Variants in BAZ2B observed in about 807,000 individuals in gnomAD.
BAZ2B encodes the protein bromodomain adjacent to zinc finger domain 2B.
Under a neutral mutation model 246.0 loss-of-function variants are expected in BAZ2B, and 91 were observed. The ratio of observed to expected loss-of-function variants is 0.37; its 90% confidence interval spans 0.31 to 0.44. The LOEUF is 0.44. BAZ2B is among the 20% of genes least tolerant of loss of function. The probability of loss-of-function intolerance (pLI) is 1.00; values close to 1 mark genes in which losing one functional copy is unlikely to be tolerated. For synonymous variants in BAZ2B, 855 were observed against 860.0 expected (o/e 0.99, Z 0.10); for missense variants, 2,332 against 2,533.7 (o/e 0.92, Z 1.71).
the BAZ2B span, among the ~76,000 whole-genome samples, chr2:159,706,574 T>C: frequency 3.3e-5 from 5 of 152,238 alleles, no homozygotes; most frequent in African/African-American, 1.2e-4. Context: ...ATGTGCACAC[T>C]TGGCTGAACT....
chr2:159,405,160 T>A, intron 14 of BAZ2B, 46 bp from the exon 15 acceptor site: 1 of 1,496,400 alleles, frequency 6.7e-7, no homozygotes, highest in Non-Finnish European at 9.3e-7. Context: ...TTTGTGTAAC[T>A]ACTAACCAAA....
At chr2:159,432,323 A>C (rs1386315195) in intron 9 of BAZ2B, among the ~76,000 whole-genome samples, 1 of 152,202 alleles carries the variant, frequency 6.6e-6, no homozygotes, top group Non-Finnish European at 1.5e-5. Flanking sequence ...GTTATTTAAC[A>C]AATTTTCTGT....
chr2:159,518,589 C>T (rs2083697924), intron 2 of BAZ2B, among the ~76,000 whole-genome samples: 1 of 152,154 alleles, frequency 6.6e-6, no homozygotes, highest in Non-Finnish European at 1.5e-5. Flanking sequence ...TGCTTGCTTG[C>T]CTTCTGCTAC....
chr2:159,406,217 C>T (rs2065910704), intron 14 of BAZ2B, among the ~76,000 whole-genome samples: 1 of 152,212 alleles, frequency 6.6e-6, no homozygotes, highest in African/African-American at 2.4e-5. Context: ...GAAAACAGAG[C>T]TTGAAAGTTT....
intron 2 of BAZ2B, among the ~76,000 whole-genome samples, chr2:159,541,186 T>C (rs1017206158): frequency 2.0e-5 from 3 of 152,132 alleles, no homozygotes; most frequent in Non-Finnish European, 4.4e-5. Flanking sequence ...AAGCCTCAAT[T>C]AAAATCGGGT....
At chr2:159,448,500 T>A (rs964867015) in intron 4 of BAZ2B, 91 bp from the exon 5 acceptor site, 120 of 1,422,074 alleles carry the variant, frequency 8.4e-5, no homozygotes, top group Non-Finnish European at 1.1e-4. Context: ...TTTAAAAAAA[T>A]TTCAAGTTTC....
At chr2:159,382,008 C>A (rs115977640) in intron 25 of BAZ2B, among the ~76,000 whole-genome samples, 2,504 of 152,226 alleles carry the variant, frequency 0.016, 36 homozygotes, top group Non-Finnish European at 0.022. Flanking sequence ...TTGTATCTGC[C>A]TAGCACATTG....
chr2:159,564,658 T>C (rs2090190525), intron 1 of BAZ2B, among the ~76,000 whole-genome samples: 1 of 152,116 alleles, frequency 6.6e-6, no homozygotes, highest in Non-Finnish European at 1.5e-5. Context: ...ACTGGGTAAA[T>C]GACATTGCCA....
intron 8 of BAZ2B, chr2:159,435,626 T>C (rs973831237): frequency 6.6e-6 from 1 of 152,178 alleles, no homozygotes; most frequent in Admixed American, 6.5e-5. Flanking sequence ...AGTGCTGGGA[T>C]TACAGGCGTG....
chr2:159,705,273 C>A, the BAZ2B span, among the ~76,000 whole-genome samples: 2 of 152,098 alleles, frequency 1.3e-5, no homozygotes, highest in African/African-American at 4.8e-5. Flanking sequence ...CTGCCCACCT[C>A]AGCCTCTCAA....
intron 2 of BAZ2B, among the ~76,000 whole-genome samples, chr2:159,499,712 T>G (rs2081513537): frequency 6.6e-6 from 1 of 152,228 alleles, no homozygotes; most frequent in South Asian, 2.1e-4. Flanking sequence ...ATAATAGCCA[T>G]TCTGATTGGT....
Position 159,446,914 on chromosome 2 carries a change from T to C in BAZ2B, c.564A>G (p.Val188=), listed in dbSNP as rs2074332745. The change falls in exon 6 of 37, where the codon GTA becomes GTG. Residue 188 remains valine, a synonymous_variant. Transcript: ENST00000392783. Reference sequence around the variant, plus strand: ...TGGAACTTGAAGCAGTAGTGGATAGTACAGATGTGTTGATACCAATTACAG... The same window carrying C: ...TGGAACTTGAAGCAGTAGTGGATAGCACAGATGTGTTGATACCAATTACAG... The part of the protein sequence containing the change: ...TSSVIGINTS[V]LSTTASSSMG... 3.7e-6 allele frequency: 6 copies of C among 1,610,724 alleles called. No homozygotes were observed. Among genetic ancestry groups the C allele is most frequent in the Non-Finnish European group, 4.2e-6 (5 of 1,178,880 alleles).
the BAZ2B span, among the ~76,000 whole-genome samples, chr2:159,701,479 G>C: frequency 4.0e-5 from 6 of 151,182 alleles, no homozygotes; most frequent in Non-Finnish European, 8.9e-5. Flanking sequence ...TCATCTGTAT[G>C]GATTGATGGA....
intron 31 of BAZ2B, among the ~76,000 whole-genome samples, chr2:159,345,490 T>C (rs1261571766): frequency 6.6e-6 from 1 of 152,202 alleles, no homozygotes; most frequent in Non-Finnish European, 1.5e-5. Context: ...ATGAAGCAAA[T>C]TCTACTTATC....
chr2:159,697,387 A>G, the BAZ2B span, among the ~76,000 whole-genome samples: 1 of 152,214 alleles, frequency 6.6e-6, no homozygotes, highest in Non-Finnish European at 1.5e-5. Flanking sequence ...TACTCCTACC[A>G]TAACAAACAA....
chr2:159,363,457 A>G (rs1294482204), intron 27 of BAZ2B, among the ~76,000 whole-genome samples: 1 of 152,138 alleles, frequency 6.6e-6, no homozygotes, highest in Non-Finnish European at 1.5e-5. Flanking sequence ...AACTGCTTTG[A>G]CTTATTCCTT....
intron 1 of BAZ2B, among the ~76,000 whole-genome samples, chr2:159,600,256 T>C (rs1286703463): frequency 6.6e-6 from 1 of 152,010 alleles, no homozygotes; most frequent in Non-Finnish European, 1.5e-5. Flanking sequence ...CTTTTGGGGG[T>C]GATCAGGAAA....
intron 13 of BAZ2B, among the ~76,000 whole-genome samples, chr2:159,412,954 G>T (rs1322106678): frequency 6.6e-6 from 1 of 152,160 alleles, no homozygotes; most frequent in East Asian, 1.9e-4. Flanking sequence ...ATACATGAAA[G>T]TTTCTCTTTA....
intron 3 of BAZ2B, among the ~76,000 whole-genome samples, chr2:159,475,929 G>A (rs2078486736): frequency 6.6e-6 from 1 of 152,180 alleles, no homozygotes; most frequent in Non-Finnish European, 1.5e-5. Context: ...GTCCCAGAGA[G>A]GCACCTGCCA....
Sources: gnomAD v4.1 joint callset for allele counts (sites outside exome capture counted in the v4.1 genomes callset) on GRCh38, gnomAD v4.1.1 for gene constraint, MANE v1.5 for transcripts, NCBI Gene and HGNC (gene_info 2026-07-23, HGNC 2026-07-21) for gene names.